The following GTPBP1 variants were observed in gnomAD, a reference collection of about 807,000 sequenced individuals.
GTPBP1 encodes the protein GTP binding protein 1.
Under a neutral mutation model 62.0 loss-of-function variants are expected in GTPBP1, and 23 were observed. The observed-to-expected ratio is 0.37, with a 90% CI of 0.27 to 0.53. The LOEUF (loss-of-function observed/expected upper bound fraction) is 0.53, where lower values mean the gene tolerates loss of function less well. GTPBP1 is among the 20% of genes least tolerant of loss of function. The pLI is 0.89. For synonymous variants in GTPBP1, 344 were observed against 364.4 expected (o/e 0.94, Z 0.64); for missense variants, 640 against 917.3 (o/e 0.70, Z 3.90).
At chr22:38,718,925 C>G (rs560775568) in intron 4 of GTPBP1, among the ~76,000 whole-genome samples, 6 of 152,332 alleles carry the variant, frequency 3.9e-5, no homozygotes, top group East Asian at 3.9e-4. Flanking sequence ...AAATCCACCA[C>G]TTAGATTTAG....
chr22:38,728,283 T>G, intron 10 of GTPBP1, 122 bp downstream of exon 10: 1 of 694,860 alleles, frequency 1.4e-6, no homozygotes, highest in Non-Finnish European at 2.5e-6. Context: ...CACTGAGGTG[T>G]GGCCTCGGTG....
intron 1 of GTPBP1, 103 bp downstream of exon 1, chr22:38,706,250 G>C: frequency 1.3e-6 from 1 of 763,354 alleles, no homozygotes; most frequent in South Asian, 6.4e-5. Flanking sequence ...CGCGGGGAGC[G>C]CGGAACGGGA....
chr22:38,742,459 G>A (rs199636823), downstream of GTPBP1: 140 of 1,613,592 alleles, frequency 8.7e-5, no homozygotes, highest in Middle Eastern at 3.3e-4. Context: ...CGTTCCAGCC[G>A]CATGGCCTCC....
At chr22:38,734,391 C>T (rs770748841), downstream of GTPBP1, 2 of 408,372 alleles carry the variant, frequency 4.9e-6, no homozygotes, top group East Asian at 8.9e-5. Context: ...GTGGACGTGG[C>T]TGGTAGGTAA....
At chr22:38,720,790 A>C (rs470106) in intron 4 of GTPBP1, among the ~76,000 whole-genome samples, 54,973 of 152,052 alleles carry the variant, frequency 0.36, 10,657 homozygotes, top group African/African-American at 0.5. Flanking sequence ...TGTGCTGGAC[A>C]CTTCATGTGT....
chr22:38,715,651 A>T (rs2092665562), intron 2 of GTPBP1, among the ~76,000 whole-genome samples: 1 of 152,202 alleles, frequency 6.6e-6, no homozygotes, highest in African/African-American at 2.4e-5. Context: ...GGCTTGGCAT[A>T]AAACCTGGGA....
rs2092698963 is a variant in GTPBP1, at chr22:38,721,229, G to A, written c.835-513G>A. Among the ~76,000 whole-genome samples the A allele has an allele frequency of 2.0e-5, 3 of 152,248 alleles. No homozygotes were observed. In the South Asian group the frequency reaches 6.2e-4, roughly 32 times the overall value. ...TGAGTAGCTGGGATTACAGGCATGT[G>A]CCACCACGCCTGGCTAATTTTGTAT... On this transcript the variant is annotated intron_variant, in intron 4 of 11. Transcript: ENST00000216044.
intron 2 of GTPBP1, among the ~76,000 whole-genome samples, chr22:38,709,496 A>G (rs1213998941): frequency 6.6e-6 from 1 of 152,152 alleles, no homozygotes; most frequent in Admixed American, 6.5e-5. Flanking sequence ...TTTTACCTCC[A>G]GTACTCTCTA....
At chr22:38,711,614 G>C (rs1470756750) in intron 2 of GTPBP1, among the ~76,000 whole-genome samples, 1 of 152,002 alleles carries the variant, frequency 6.6e-6, no homozygotes, top group African/African-American at 2.4e-5. Flanking sequence ...GGCCAAGGTG[G>C]GCCAATCACT....
Position 38,727,370 on chromosome 22 carries a change from A to T in GTPBP1, c.1537+22A>T, listed in dbSNP as rs1569284745. On this transcript the variant is annotated intron_variant, in intron 9 of 11. Transcript: ENST00000216044. The surrounding 1 kb of genome is among the most constrained non-coding windows in gnomAD (Gnocchi z 6.5). ...ATGGGTAGGTGTCTAAGGCCCTGCC[A>T]GCCCAGGAGGCCGTCGTGTTAGCTC... 6.6e-7 allele frequency: 1 copy of T among 1,519,916 alleles called. No homozygotes were observed. 94.2% of individuals were successfully genotyped at this position (1,519,916 alleles called of 1,614,324 possible).
chr22:38,737,059 C>G (rs1477697013), downstream of GTPBP1, among the ~76,000 whole-genome samples: 1 of 152,180 alleles, frequency 6.6e-6, no homozygotes, highest in Non-Finnish European at 1.5e-5. This position sits in a 1 kb window ranked among gnomAD's most constrained non-coding sequence, Gnocchi z 4.1. Context: ...GTTCACCAGC[C>G]TGGTCTTGAA....
intron 2 of GTPBP1, among the ~76,000 whole-genome samples, chr22:38,710,069 A>G (rs906782304): frequency 6.6e-6 from 1 of 152,238 alleles, no homozygotes; most frequent in Non-Finnish European, 1.5e-5. Flanking sequence ...AATTCAGCCC[A>G]TACCAGCACT....
At chr22:38,724,187 A>T in intron 5 of GTPBP1, 110 bp from the exon 6 acceptor site, 1 of 691,636 alleles carries the variant, frequency 1.4e-6, no homozygotes, top group East Asian at 2.5e-5. Context: ...TGGTCCATCT[A>T]TCTGTCTGTC....
rs2092746106 is a variant in GTPBP1 at position 38,729,632 on chromosome 22, A to T, written c.1887A>T (p.Gln629His). 4 of 1,517,400 alleles carry T rather than the reference A, an allele frequency of 2.6e-6. No homozygotes were observed. The highest frequency in any genetic ancestry group is 3.5e-6 in the Non-Finnish European group (4 of 1,133,778). The allele number at this position is 1,517,400 out of a possible 1,614,324, so 94.0% of individuals were successfully genotyped here. A position where few individuals can be genotyped will look rare whatever the true frequency, so the allele number is the denominator to read the frequency against. ...AAGCCTCCTCTGTAGGGGCAGGGCA[A>T]CCAGCTGCGTCCAGCAATCTCCAGC... ...GDEASSVGAG[Q>H]PAASSNLQPQ... is the part of the protein sequence containing the mutation. The change falls in exon 11 of 12, where the codon CAA becomes CAT. Residue 629 changes from glutamine to histidine, a missense_variant. Gln to His is a conservative substitution (Grantham distance 24). Around this residue, in one of 4 missense-constraint regions of GTPBP1, gnomAD observed 117 missense variants for 107.1 expected, o/e 1.09. Transcript: ENST00000216044.
intron 2 of GTPBP1, among the ~76,000 whole-genome samples, chr22:38,713,795 T>C (rs139190552): frequency 3.3e-4 from 51 of 152,312 alleles, no homozygotes; most frequent in African/African-American, 1.0e-3. Flanking sequence ...GTCTGTGCTG[T>C]TGTTTAAAAG....
chr22:38,721,576 G>C (rs1379037819), intron 4 of GTPBP1, among the ~76,000 whole-genome samples, 166 bp from the exon 5 acceptor site: 1 of 152,124 alleles, frequency 6.6e-6, no homozygotes, highest in Admixed American at 6.5e-5. Context: ...CTTTTTTATT[G>C]TTTGCAAGTC....
At chr22:38,723,369 A>T (rs2092710925) in intron 5 of GTPBP1, 1 of 852,268 alleles carries the variant, frequency 1.2e-6, no homozygotes. Flanking sequence ...CTGGAACCAG[A>T]CCATAATATG....
rs1453103952 is a variant in GTPBP1, at chr22:38,705,970, C to T, written c.15C>T (p.Arg5=). 9.0e-6 allele frequency: 13 copies of T among 1,445,802 alleles called. No individual in the cohort carries two copies. In the East Asian group the frequency reaches 3.9e-4, roughly 43 times the overall value. 89.6% of individuals were successfully genotyped at this position (1,445,802 alleles called of 1,614,324 possible). The change falls in exon 1 of 12, where the codon CGC becomes CGT. Residue 5 remains arginine, a synonymous_variant. Transcript: ENST00000216044. MATE[R]SRSAMDSPVP... ...AGTTATTAAAGATGGCGACGGAGCG[C>T]AGTCGCTCCGCGATGGACTCGCCGG... is the stretch of plus-strand genomic sequence containing the variant.
chr22:38,737,021 A>AT (rs1336409493), downstream of GTPBP1, among the ~76,000 whole-genome samples: 1 of 151,950 alleles, frequency 6.6e-6, no homozygotes, highest in Non-Finnish European at 1.5e-5. This position sits in a 1 kb window ranked among gnomAD's most constrained non-coding sequence, Gnocchi z 4.1. Context: ...ATTTTTTAAC[A>AT]TTTTTTGTAG....
Sources: gnomAD v4.1 joint callset for allele counts (sites outside exome capture counted in the v4.1 genomes callset) on GRCh38, gnomAD v4.1.1 for gene constraint, gnomAD v4.1.1 regional missense constraint, Gnocchi (gnomAD v3.1) non-coding constraint, MANE v1.5 for transcripts, NCBI Gene and HGNC (gene_info 2026-07-23, HGNC 2026-07-21) for gene names.